Variants in FBLN7 observed in about 807,000 individuals in gnomAD.
The protein encoded by FBLN7 is fibulin 7.
FBLN7 carries 31 observed loss-of-function variants against 44.0 expected under a neutral mutation model. That is an observed-to-expected ratio of 0.70 (90% CI 0.53 to 0.95). The LOEUF (loss-of-function observed/expected upper bound fraction) is 0.95. Ranked by LOEUF, FBLN7 falls within the 40% of genes least tolerant of loss-of-function variation. The probability of loss-of-function intolerance (pLI) is 0.00; values close to 1 mark genes in which losing one functional copy is unlikely to be tolerated. For missense variants in FBLN7, 573 were observed against 618.5 expected (o/e 0.93, Z 0.78); for synonymous variants, 262 against 253.4 (o/e 1.03, Z -0.32).
chr2:112,235,149 T>C, the FBLN7 span, among the ~76,000 whole-genome samples: 2 of 152,250 alleles, frequency 1.3e-5, no homozygotes, highest in African/African-American at 4.8e-5. Context: ...AGCTTCTGTA[T>C]ACCAAATTTT....
intron 1 of FBLN7, among the ~76,000 whole-genome samples, chr2:112,144,968 G>A (rs1680836667): frequency 6.6e-6 from 1 of 152,190 alleles, no homozygotes; most frequent in African/African-American, 2.4e-5. Context: ...CAAATACCTG[G>A]GAGTGGGATT....
At chr2:112,144,889 T>C (rs571292626) in intron 1 of FBLN7, among the ~76,000 whole-genome samples, 1 of 152,234 alleles carries the variant, frequency 6.6e-6, no homozygotes, top group South Asian at 2.1e-4. Context: ...TTTTGGGCAA[T>C]TGTGAATACA....
chr2:112,227,171 TAGA>T, the FBLN7 span, among the ~76,000 whole-genome samples: 2 of 152,362 alleles, frequency 1.3e-5, no homozygotes, highest in East Asian at 3.9e-4. Context: ...TAACCTTGTA[TAGA>T]AGGTTTCAGC....
the FBLN7 span, among the ~76,000 whole-genome samples, chr2:112,235,571 T>C: frequency 6.6e-6 from 1 of 152,196 alleles, no homozygotes; most frequent in African/African-American, 2.4e-5. Flanking sequence ...TTGGCATTTC[T>C]AATATTTTAC....
chr2:112,242,147 C>T, the FBLN7 span, among the ~76,000 whole-genome samples: 2 of 152,180 alleles, frequency 1.3e-5, no homozygotes, highest in African/African-American at 4.8e-5. Flanking sequence ...AATACAAAAG[C>T]ATGTGACAAA....
At chr2:112,197,262 CACACACACACACAGAGAGAG>C in the FBLN7 span, among the ~76,000 whole-genome samples, 7 of 129,004 alleles carry the variant, frequency 5.4e-5, no homozygotes, top group South Asian at 1.1e-3. Flanking sequence ...CACACACACA[CACACACACACACAGAGAGAG>C]AGAGAGAGAG....
the FBLN7 span, chr2:112,236,601 T>G: frequency 1.2e-6 from 2 of 1,614,054 alleles, no homozygotes; most frequent in Non-Finnish European, 1.7e-6. Flanking sequence ...AAGCATTTGA[T>G]CCTTTGTTTC....
chr2:112,183,738 A>C (rs1178979297), intron 6 of FBLN7, among the ~76,000 whole-genome samples: 1 of 152,074 alleles, frequency 6.6e-6, no homozygotes, highest in Non-Finnish European at 1.5e-5. Context: ...GGTTTCCTGG[A>C]GGGCCGGGTT....
chr2:112,236,505 G>A, the FBLN7 span: 3 of 1,587,782 alleles, frequency 1.9e-6, no homozygotes, highest in Non-Finnish European at 1.7e-6. Context: ...TGAAGTATAA[G>A]ATCAAGTCCA....
the FBLN7 span, among the ~76,000 whole-genome samples, chr2:112,223,222 C>T: frequency 1.3e-5 from 2 of 150,680 alleles, no homozygotes; most frequent in Non-Finnish European, 3.0e-5. Flanking sequence ...CAAACCTGCA[C>T]GTTGTGCACA....
At chr2:112,214,270 G>C in the FBLN7 span, 1 of 152,084 alleles carries the variant, frequency 6.6e-6, no homozygotes, top group Non-Finnish European at 1.5e-5. Flanking sequence ...TGAAATTATT[G>C]AGAGATTTTG....
chr2:112,219,321 A>G, the FBLN7 span, among the ~76,000 whole-genome samples: 1 of 152,238 alleles, frequency 6.6e-6, no homozygotes, highest in Non-Finnish European at 1.5e-5. Context: ...TACCAAGACC[A>G]TTCAATGAAG....
At chr2:112,238,605 T>C in the FBLN7 span, 5 of 1,267,256 alleles carry the variant, frequency 3.9e-6, no homozygotes, top group Admixed American at 4.4e-5. Context: ...AGAAACAAGA[T>C]TGGCTATAAA....
the FBLN7 span, among the ~76,000 whole-genome samples, chr2:112,204,623 A>G: frequency 2.0e-5 from 3 of 152,206 alleles, no homozygotes; most frequent in Non-Finnish European, 4.4e-5. Context: ...ATCAGAAACT[A>G]TGGAAGCCAG....
chr2:112,195,315 T>C, the FBLN7 span, among the ~76,000 whole-genome samples: 27 of 152,348 alleles, frequency 1.8e-4, no homozygotes, highest in African/African-American at 6.5e-4. Flanking sequence ...CTCTGTCATA[T>C]ACCTTGCTTA....
chr2:112,244,164 A>G, the FBLN7 span, among the ~76,000 whole-genome samples: 1 of 152,162 alleles, frequency 6.6e-6, no homozygotes, highest in Admixed American at 6.5e-5. Context: ...AAGAGCCTTA[A>G]AGCTTCCAGA....
the FBLN7 span, among the ~76,000 whole-genome samples, chr2:112,237,301 C>G: frequency 6.6e-6 from 1 of 152,114 alleles, no homozygotes; most frequent in Non-Finnish European, 1.5e-5. Flanking sequence ...AAGGCAGATC[C>G]TTTTGAAGTG....
rs71826516 is a variant in FBLN7, at chr2:112,160,848, GCACACA to G, written c.235+1027_235+1032del. On this transcript the variant is annotated intron_variant, in intron 2 of 7. Transcript: ENST00000331203. The stretch of plus-strand genomic sequence containing the variant: ...AGCACGCATACACGCACGCACACGC[GCACACA>G]CACACACACACACTCAGCCCGAGCC... 4.6e-4 allele frequency among the ~76,000 whole-genome samples: 68 copies of G among 148,152 alleles called. No individual in the cohort carries two copies. The Middle Eastern group carries it at 0.014, about 30-fold the overall frequency.
chr2:112,230,832 T>C, the FBLN7 span: 65 of 983,224 alleles, frequency 6.6e-5, no homozygotes, highest in Non-Finnish European at 8.1e-5. Context: ...GAGAACCCTA[T>C]TGAGGTTGCA....
Sources: allele counts gnomAD v4.1 joint callset (sites outside exome capture counted in the v4.1 genomes callset), GRCh38; gene constraint gnomAD v4.1.1; transcripts MANE v1.5; gene names NCBI Gene and HGNC (gene_info 2026-07-23, HGNC 2026-07-21).